The following ZNF730 variants were observed in gnomAD, a reference collection of about 807,000 sequenced individuals.
ZNF730 encodes putative zinc finger protein 730.
In ZNF730, 12 loss-of-function variants were observed where a neutral mutation model predicts 12.6. The observed-to-expected ratio is 0.95, with a 90% CI of 0.61 to 1.54. The LOEUF (loss-of-function observed/expected upper bound fraction) is 1.54. Among genes scored for constraint, ZNF730 ranks in the 40% most tolerant of loss-of-function variants. ZNF730 has a pLI of 0.00. For synonymous variants in ZNF730, 194 were observed against 195.8 expected, an observed-to-expected ratio of 0.99 and a Z score of 0.08; for missense variants, 643 against 583.5, an observed-to-expected ratio of 1.10 and a Z score of -1.05.
chr19:23,146,677 T>G lies in ZNF730; in HGVS notation c.*121T>G. ...ATGTGGCAAAGCTTTTAACCAGTCC[T>G]CAAATCTTACTAAACATAAGGTAAT... On this transcript the variant is annotated 3_prime_UTR_variant, in exon 4 of 4. Coordinates refer to ENST00000597761, the MANE Select transcript of ZNF730 (RefSeq NM_001277403.2). 6.6e-7 allele frequency: 1 copy of G among 1,505,156 alleles called. No homozygotes were observed. The allele number at this position is 1,505,156 out of a possible 1,614,324, so 93.2% of individuals were successfully genotyped here. A position where few individuals can be genotyped will look rare whatever the true frequency, so the allele number is the denominator to read the frequency against.
At chr19:23,128,964 C>T (rs1392720833) in intron 1 of ZNF730, among the ~76,000 whole-genome samples, 3 of 152,140 alleles carry the variant, frequency 2.0e-5, no homozygotes, top group Admixed American at 2.0e-4. Context: ...CAAGGTAGAG[C>T]TCAGGCTGTT....
intron 1 of ZNF730, among the ~76,000 whole-genome samples, chr19:23,098,749 C>T (rs1402987807): frequency 1.3e-5 from 2 of 152,096 alleles, no homozygotes; most frequent in African/African-American, 2.4e-5. Flanking sequence ...GAAAATTTTA[C>T]ATATCATTTG....
intron 1 of ZNF730, chr19:23,095,301 T>G (rs1384143734): frequency 2.5e-6 from 1 of 398,430 alleles, no homozygotes; most frequent in African/African-American, 2.1e-5. Flanking sequence ...ACACGTACGT[T>G]ATGTGACTCT....
intron 1 of ZNF730, among the ~76,000 whole-genome samples, chr19:23,088,884 G>A (rs1970109784): frequency 6.6e-6 from 1 of 151,906 alleles, no homozygotes; most frequent in Non-Finnish European, 1.5e-5. Flanking sequence ...GGGTTGGTTG[G>A]TTTTTGAGAT....
chr19:23,128,585 A>G, intron 1 of ZNF730: 1 of 201,108 alleles, frequency 5.0e-6, no homozygotes, highest in East Asian at 1.1e-4. Context: ...TGAAGAAAAT[A>G]AACTTATTGA....
intron 1 of ZNF730, among the ~76,000 whole-genome samples, chr19:23,131,652 G>A (rs1299262312): frequency 6.6e-6 from 1 of 152,172 alleles, no homozygotes; most frequent in Admixed American, 6.5e-5. Flanking sequence ...ACTCTGTGCT[G>A]TGCCTGCTTG....
chr19:23,133,245 G>C (rs572346645), intron 1 of ZNF730, among the ~76,000 whole-genome samples: 1 of 152,248 alleles, frequency 6.6e-6, no homozygotes, highest in Admixed American at 6.5e-5. Flanking sequence ...GGAAAAAAAA[G>C]ACTACAGGCT....
At chr19:23,106,527 C>T (rs1335710611) in intron 1 of ZNF730, among the ~76,000 whole-genome samples, 3 of 152,232 alleles carry the variant, frequency 2.0e-5, no homozygotes, top group South Asian at 2.1e-4. Context: ...CATGGTTGCT[C>T]ATGCCTGTAA....
chr19:23,133,870 A>T (rs557985237), intron 1 of ZNF730, among the ~76,000 whole-genome samples: 3 of 152,194 alleles, frequency 2.0e-5, no homozygotes, highest in East Asian at 3.9e-4. Context: ...ATAAATACTG[A>T]TATTTTGGAT....
At chr19:23,118,471 G>A (rs1283908089) in intron 1 of ZNF730, among the ~76,000 whole-genome samples, 2 of 151,816 alleles carry the variant, frequency 1.3e-5, no homozygotes, top group Non-Finnish European at 2.9e-5. Flanking sequence ...ATAAACCAGG[G>A]TACACACCAT....
chr19:23,098,639 G>A (rs981008114), intron 1 of ZNF730, among the ~76,000 whole-genome samples: 3 of 152,116 alleles, frequency 2.0e-5, no homozygotes, highest in African/African-American at 7.2e-5. Context: ...CAGGTGATGT[G>A]TCTCTCCTAC....
At chr19:23,115,656 C>A (rs1359233861), upstream of ZNF730, among the ~76,000 whole-genome samples, 27 of 151,888 alleles carry the variant, frequency 1.8e-4, no homozygotes, top group Admixed American at 1.8e-3. Flanking sequence ...GGAAGAGAAG[C>A]AAAGTGCCTC....
intron 1 of ZNF730, among the ~76,000 whole-genome samples, chr19:23,101,737 T>C: frequency 6.6e-6 from 1 of 151,934 alleles, no homozygotes; most frequent in African/African-American, 2.4e-5. Context: ...ACCCAACTAG[T>C]TTTTGTATTT....
intron 1 of ZNF730, among the ~76,000 whole-genome samples, chr19:23,088,600 AC>A (rs1267225567): frequency 6.6e-6 from 1 of 151,464 alleles, no homozygotes; most frequent in Non-Finnish European, 1.5e-5. Flanking sequence ...AGTAGCTGGG[AC>A]TACAGGCGTG....
intron 1 of ZNF730, among the ~76,000 whole-genome samples, chr19:23,085,188 T>G (rs993897910): frequency 1.3e-5 from 2 of 152,208 alleles, no homozygotes; most frequent in African/African-American, 4.8e-5. Flanking sequence ...CATTGTGGTT[T>G]TGATTTGCAT....
intron 1 of ZNF730, among the ~76,000 whole-genome samples, chr19:23,099,157 TATC>T (rs1970298299): frequency 6.6e-6 from 1 of 152,204 alleles, no homozygotes; most frequent in Non-Finnish European, 1.5e-5. Flanking sequence ...AAAATTGTGA[TATC>T]ATATGTGAAC....
At position 23,076,320 on chromosome 19, in the gene ZNF730, AAAT is replaced by A. The variant is rs369533518; in HGVS notation, c.-94+937_-94+939del. Among the ~76,000 whole-genome samples the A allele has an allele frequency of 9.1e-4, 139 of 152,328 alleles. 1 individual carries two copies. Among genetic ancestry groups the A allele is most frequent in the African/African-American group, 3.3e-3 (136 of 41,578 alleles). On this transcript the variant is annotated intron_variant, in intron 1 of 2. Transcript: ENST00000593635. ...ACATTTCACATGAGAAAAATGTAGA[AAAT>A]AATCCTCTGTCACTCCACTGTAAAA... is the stretch of plus-strand genomic sequence containing the variant.
Position 23,088,620 on chromosome 19 carries a change from C to T in ZNF730, c.-94+13233C>T, listed in dbSNP as rs1226158947. Among the ~76,000 whole-genome samples the T allele has an allele frequency of 3.3e-5, 5 of 150,948 alleles. No homozygotes were observed. In the East Asian group the frequency reaches 8.0e-4, roughly 24 times the overall value. ...CTGGGACTACAGGCGTGTGCTACCA[C>T]GCCTGGCTAATTTTTTGTATTTTTA... is the stretch of plus-strand genomic sequence containing the variant. On this transcript the variant is annotated intron_variant, in intron 1 of 2. Transcript: ENST00000593635.
At chr19:23,090,972 C>T (rs1382228495) in intron 1 of ZNF730, among the ~76,000 whole-genome samples, 3 of 151,680 alleles carry the variant, frequency 2.0e-5, no homozygotes, top group African/African-American at 7.3e-5. Flanking sequence ...TGCACTCCAT[C>T]CTGGGTGACA....
Sources: allele counts gnomAD v4.1 joint callset (sites outside exome capture counted in the v4.1 genomes callset), GRCh38; gene constraint gnomAD v4.1.1; transcripts MANE v1.5; gene names NCBI Gene and HGNC (gene_info 2026-07-23, HGNC 2026-07-21).